Variants in CIMAP1D observed in about 807,000 individuals in gnomAD.
The protein encoded by CIMAP1D is CIMAP1 family member D.
the CIMAP1D span, among the ~76,000 whole-genome samples, chr19:465,135 A>ATGAG: frequency 3.4e-5 from 2 of 58,552 alleles, no homozygotes; most frequent in African/African-American, 6.8e-5. Flanking sequence ...TGATGAGTGG[A>ATGAG]TGGATGGATG....
the CIMAP1D span, among the ~76,000 whole-genome samples, chr19:478,443 AAGCCGGCCAAGCCGAC>A: frequency 9.7e-6 from 1 of 102,612 alleles, no homozygotes; most frequent in Admixed American, 8.5e-5. Flanking sequence ...ACAGGATGGG[AAGCCGGCCAAGCCGAC>A]AGCATGTTGC....
the CIMAP1D span, chr19:463,991 G>A: frequency 2.3e-5 from 37 of 1,609,406 alleles, no homozygotes; most frequent in East Asian, 1.8e-4. Context: ...GGCAGTGGGC[G>A]CCAGGGCCGG....
the CIMAP1D span, among the ~76,000 whole-genome samples, chr19:479,310 G>A: frequency 1.3e-5 from 2 of 150,330 alleles, no homozygotes; most frequent in African/African-American, 4.9e-5. Context: ...CTCTGCTCTT[G>A]TTACCCAATA....
the CIMAP1D span, among the ~76,000 whole-genome samples, chr19:486,437 T>A: frequency 6.6e-6 from 1 of 151,790 alleles, no homozygotes; most frequent in South Asian, 2.1e-4. Context: ...ATTGATTGAT[T>A]TTTTGTTTCT....
the CIMAP1D span, chr19:463,831 A>T: frequency 6.2e-7 from 1 of 1,603,002 alleles, no homozygotes; most frequent in Non-Finnish European, 8.5e-7. Context: ...ACTGTGTGGG[A>T]AACAGGCCTG....
the CIMAP1D span, among the ~76,000 whole-genome samples, chr19:482,492 T>C: frequency 1.3e-5 from 2 of 152,192 alleles, no homozygotes; most frequent in African/African-American, 4.8e-5. Context: ...ACTACAACGC[T>C]GTTCCTCCCA....
the CIMAP1D span, among the ~76,000 whole-genome samples, chr19:467,394 A>C: frequency 5.3e-5 from 8 of 151,944 alleles, no homozygotes; most frequent in Non-Finnish European, 1.2e-4. Context: ...ACCTCCTGAC[A>C]CCTAGGCCAG....
chr19:465,014 G>A, the CIMAP1D span, among the ~76,000 whole-genome samples: 27 of 150,606 alleles, frequency 1.8e-4, no homozygotes, highest in African/African-American at 5.6e-4. Flanking sequence ...GAGGGTGGGC[G>A]GATGGATGGA....
the CIMAP1D span, chr19:464,247 G>A: frequency 6.5e-7 from 1 of 1,530,466 alleles, no homozygotes; most frequent in East Asian, 2.5e-5. Flanking sequence ...AGGGGCTGAG[G>A]TGTCCAGGGG....
chr19:465,112 T>TGGAG, the CIMAP1D span, among the ~76,000 whole-genome samples: 2 of 112,326 alleles, frequency 1.8e-5, no homozygotes, highest in Non-Finnish European at 3.7e-5. Context: ...AGTGGGTGGA[T>TGGAG]GGATGGATGG....
the CIMAP1D span, among the ~76,000 whole-genome samples, chr19:488,207 C>CT: frequency 2.6e-5 from 4 of 151,878 alleles, no homozygotes; most frequent in African/African-American, 9.7e-5. Context: ...GCTCTTCCTG[C>CT]TACACTATCT....
the CIMAP1D span, chr19:472,602 C>T: frequency 1.2e-6 from 1 of 838,656 alleles, no homozygotes; most frequent in Non-Finnish European, 1.8e-6. Flanking sequence ...CCCTCTCCCT[C>T]CATGGTGAGG....
the CIMAP1D span, among the ~76,000 whole-genome samples, chr19:486,758 C>T: frequency 6.6e-6 from 1 of 151,548 alleles, no homozygotes; most frequent in South Asian, 2.1e-4. Context: ...ACTAAAAATA[C>T]AAAAAATTAG....
the CIMAP1D span, among the ~76,000 whole-genome samples, chr19:465,876 GT>G: frequency 1.6e-5 from 2 of 125,016 alleles, no homozygotes; most frequent in Non-Finnish European, 3.4e-5. Flanking sequence ...GGGTGGATGG[GT>G]GGGTGGATGG....
At chr19:467,895 G>T in the CIMAP1D span, 1 of 610,716 alleles carries the variant, frequency 1.6e-6, no homozygotes, top group Non-Finnish European at 2.9e-6. Flanking sequence ...ATCTCGGAGG[G>T]GTCACCCCAG....
chr19:471,950 G>A, the CIMAP1D span, among the ~76,000 whole-genome samples: 2 of 152,104 alleles, frequency 1.3e-5, no homozygotes, highest in African/African-American at 2.4e-5. Context: ...GTTTCACTGC[G>A]TTAGCCAGGA....
the CIMAP1D span, among the ~76,000 whole-genome samples, chr19:470,997 C>G: frequency 6.6e-6 from 1 of 152,262 alleles, no homozygotes; most frequent in Non-Finnish European, 1.5e-5. Flanking sequence ...CAGAGATACA[C>G]CACAGCCCTG....
chr19:469,317 A>G, the CIMAP1D span, among the ~76,000 whole-genome samples: 33 of 150,546 alleles, frequency 2.2e-4, no homozygotes, highest in Non-Finnish European at 4.9e-4. Context: ...TCCTGGGCTC[A>G]AGCAATCCTC....
chr19:486,492 G>A, the CIMAP1D span, among the ~76,000 whole-genome samples: 2 of 152,034 alleles, frequency 1.3e-5, no homozygotes, highest in Non-Finnish European at 2.9e-5. Flanking sequence ...CCAGGCTGGA[G>A]GGTAGTGGCG....
Sources: gnomAD v4.1 joint callset for allele counts (sites outside exome capture counted in the v4.1 genomes callset) on GRCh38, gnomAD v4.1.1 for gene constraint, MANE v1.5 for transcripts, NCBI Gene and HGNC (gene_info 2026-07-23, HGNC 2026-07-21) for gene names.